Variants in ROBO2 observed in about 807,000 individuals in gnomAD.
ROBO2 encodes the protein roundabout homolog 2.
ROBO2 carries 53 observed loss-of-function variants against 160.8 expected under a neutral mutation model. The observed-to-expected ratio is 0.33, with a 90% CI of 0.26 to 0.41. The LOEUF is 0.41. Ranked by LOEUF, ROBO2 falls within the 10% of genes least tolerant of loss-of-function variation. The probability of loss-of-function intolerance (pLI) is 1.00; values close to 1 mark genes in which losing one functional copy is unlikely to be tolerated. For synonymous variants in ROBO2, 664 were observed against 611.7 expected, an observed-to-expected ratio of 1.09 and a Z score of -1.26; for missense variants, 1,577 against 1,722.4, an observed-to-expected ratio of 0.92 and a Z score of 1.49.
At chr3:76,115,332 C>T (rs924206662) in intron 2 of ROBO2, among the ~76,000 whole-genome samples, 3 of 152,040 alleles carry the variant, frequency 2.0e-5, no homozygotes, top group East Asian at 1.9e-4. Flanking sequence ...ATCCACTTTG[C>T]GTAATACAAT....
intron 21 of ROBO2, among the ~76,000 whole-genome samples, chr3:77,609,473 C>T (rs948096002): frequency 6.6e-6 from 1 of 152,008 alleles, no homozygotes; most frequent in Non-Finnish European, 1.5e-5. Flanking sequence ...GAAAGTAGTG[C>T]TGTTAAAGCT....
At chr3:76,001,255 C>T (rs866861117) in intron 2 of ROBO2, among the ~76,000 whole-genome samples, 2 of 152,166 alleles carry the variant, frequency 1.3e-5, no homozygotes, top group South Asian at 4.1e-4. Context: ...ATATGATCAT[C>T]TCTTCCCGTT....
intron 2 of ROBO2, among the ~76,000 whole-genome samples, chr3:77,022,614 G>C (rs753175919): frequency 2.0e-5 from 3 of 152,050 alleles, no homozygotes; most frequent in Non-Finnish European, 4.4e-5. Flanking sequence ...TATTTTGGAA[G>C]GGCCTCATGT....
chr3:76,922,011 T>C (rs999215130), intron 2 of ROBO2, among the ~76,000 whole-genome samples: 1 of 151,950 alleles, frequency 6.6e-6, no homozygotes, highest in Admixed American at 6.6e-5. Context: ...CAAATAGAAT[T>C]GAGTCACAAA....
At chr3:76,956,731 C>T (rs1311939609) in intron 2 of ROBO2, among the ~76,000 whole-genome samples, 1 of 151,936 alleles carries the variant, frequency 6.6e-6, no homozygotes, top group Non-Finnish European at 1.5e-5. Flanking sequence ...CACTGTTTCC[C>T]AAACTTGCCT....
At chr3:77,275,743 C>A (rs1400686398) in intron 2 of ROBO2, among the ~76,000 whole-genome samples, 1 of 151,952 alleles carries the variant, frequency 6.6e-6, no homozygotes, top group East Asian at 1.9e-4. Flanking sequence ...TATAAATTGC[C>A]AAACAAAATT....
In ROBO2 at chr3:77,464,728, C is replaced by T. The variant is rs180723493; in HGVS notation, c.389-12686C>T. Among the ~76,000 whole-genome samples the T allele has an allele frequency of 1.1e-4, 17 of 151,918 alleles. No homozygotes were observed. The East Asian group carries it at 2.3e-3, about 21-fold the overall frequency. The stretch of plus-strand genomic sequence containing the variant: ...ATGAATGAATGCATTTCCTCCTTTG[C>T]TACTTGGGATATTAGAAGGAAAATG... On this transcript the variant is annotated intron_variant, in intron 2 of 25. Transcript: ENST00000461745.
At chr3:76,361,149 A>G (rs765058140) in intron 2 of ROBO2, among the ~76,000 whole-genome samples, 1 of 152,066 alleles carries the variant, frequency 6.6e-6, no homozygotes, top group Non-Finnish European at 1.5e-5. Flanking sequence ...AGGAAACTCA[A>G]AGTAAAAATA....
chr3:76,029,694 A>G (rs1356859809), intron 2 of ROBO2, among the ~76,000 whole-genome samples: 1 of 152,120 alleles, frequency 6.6e-6, no homozygotes, highest in Non-Finnish European at 1.5e-5. Flanking sequence ...AAGGACATGA[A>G]CTAATCCTTT....
chr3:76,648,146 A>G (rs1015856642), intron 2 of ROBO2, among the ~76,000 whole-genome samples: 6 of 152,170 alleles, frequency 3.9e-5, no homozygotes, highest in African/African-American at 1.4e-4. Context: ...TCTATAACAC[A>G]TAGTAATCTA....
chr3:77,138,007 A>G (rs1170690294), intron 2 of ROBO2, among the ~76,000 whole-genome samples: 2 of 145,854 alleles, frequency 1.4e-5, no homozygotes, highest in Non-Finnish European at 3.0e-5. Flanking sequence ...CGTGTAATAT[A>G]AAGATTGCTC....
At chr3:76,471,332 C>G (rs2078646062) in intron 2 of ROBO2, among the ~76,000 whole-genome samples, 1 of 152,054 alleles carries the variant, frequency 6.6e-6, no homozygotes, top group Non-Finnish European at 1.5e-5. Context: ...GGTTTAATTT[C>G]CAGTCTTTTG....
At chr3:77,580,762 T>C (rs563538720) in intron 16 of ROBO2, among the ~76,000 whole-genome samples, 164 of 152,304 alleles carry the variant, frequency 1.1e-3, no homozygotes, top group Non-Finnish European at 1.9e-3. Flanking sequence ...CTGAGCAGTA[T>C]TCAATTGTAT....
chr3:77,379,857 C>G (rs1197922253), intron 2 of ROBO2, among the ~76,000 whole-genome samples: 1 of 152,150 alleles, frequency 6.6e-6, no homozygotes, highest in African/African-American at 2.4e-5. Flanking sequence ...AGCTCAGACT[C>G]CATTCACCTT....
intron 2 of ROBO2, among the ~76,000 whole-genome samples, chr3:77,443,634 AT>A (rs60413299): frequency 0.027 from 4,151 of 152,010 alleles, 182 homozygotes; most frequent in African/African-American, 0.093. Context: ...AAATACTATA[AT>A]TTTTTTTCCC....
chr3:77,257,272 A>G (rs2153322154), intron 2 of ROBO2, among the ~76,000 whole-genome samples: 1 of 152,334 alleles, frequency 6.6e-6, no homozygotes, highest in Admixed American at 6.5e-5. Flanking sequence ...AGCAAACAAG[A>G]TATAGCCCAG....
chr3:76,646,165 G>C lies in ROBO2; in HGVS notation c.110-451849G>C, dbSNP rs189980695. ...TTTTATATCAGGTTAAAGAGGAGTT[G>C]TAAGACTGGAGTTTTCATGGCTTTG... On this transcript the variant is annotated intron_variant, in intron 2 of 26. Coordinates refer to the ROBO2 transcript ENST00000487694. Among the ~76,000 whole-genome samples, 190 of 152,270 alleles carry C rather than the reference G, an allele frequency of 1.2e-3. 2 individuals are homozygous for C. The highest frequency in any genetic ancestry group is 4.0e-4 in the Non-Finnish European group (27 of 68,024).
At chr3:76,314,103 G>A (rs973483700) in intron 2 of ROBO2, among the ~76,000 whole-genome samples, 1 of 152,106 alleles carries the variant, frequency 6.6e-6, no homozygotes, top group African/African-American at 2.4e-5. Flanking sequence ...TAGGTTAGTA[G>A]GCCAGCAAGT....
intron 2 of ROBO2, among the ~76,000 whole-genome samples, chr3:76,911,123 A>G (rs1471525955): frequency 1.3e-5 from 2 of 152,220 alleles, no homozygotes; most frequent in Non-Finnish European, 2.9e-5. Context: ...AAGAAATGAA[A>G]AAGTATGGTA....
Sources: allele counts gnomAD v4.1 joint callset (sites outside exome capture counted in the v4.1 genomes callset), GRCh38; gene constraint gnomAD v4.1.1; transcripts MANE v1.5; gene names NCBI Gene and HGNC (gene_info 2026-07-23, HGNC 2026-07-21).